The following PPARGC1A variants were observed in gnomAD, a reference collection of about 807,000 sequenced individuals.
The protein encoded by PPARGC1A is PPARG coactivator 1 alpha, also known as peroxisome proliferator-activated receptor gamma coactivator 1-alpha.
A neutral mutation model predicts 88.7 loss-of-function variants in PPARGC1A; 25 were observed. The observed-to-expected ratio is 0.28, with a 90% CI of 0.21 to 0.39. PPARGC1A has a LOEUF of 0.39. Among genes scored for constraint, PPARGC1A ranks in the 10% least tolerant of loss-of-function variants. The pLI is 1.00. For synonymous variants in PPARGC1A, 363 were observed against 355.6 expected, an observed-to-expected ratio of 1.02 and a Z score of -0.24; for missense variants, 880 against 968.7, an observed-to-expected ratio of 0.91 and a Z score of 1.22.
chr4:24,295,709 A>G, the PPARGC1A span, among the ~76,000 whole-genome samples: 1 of 149,862 alleles, frequency 6.7e-6, no homozygotes, highest in Non-Finnish European at 1.5e-5. Context: ...TACATTATAT[A>G]CACATATACG....
the PPARGC1A span, among the ~76,000 whole-genome samples, chr4:23,913,859 A>G: frequency 6.6e-6 from 1 of 152,186 alleles, no homozygotes; most frequent in East Asian, 1.9e-4. Flanking sequence ...ATCTGCATCC[A>G]TCCATTCACC....
At position 23,814,300 on chromosome 4, in the gene PPARGC1A, C is replaced by G. The variant is rs780198205; in HGVS notation, c.1183G>C (p.Glu395Gln). The G allele has an allele frequency of 6.2e-7, 1 of 1,613,914 alleles. No homozygotes were observed. Among genetic ancestry groups the G allele is most frequent in the South Asian group, 1.1e-5 (1 of 91,048 alleles). The change falls in exon 8 of 13, where the codon GAA becomes CAA. Residue 395 changes from glutamate to glutamine, a missense_variant. By Grantham distance (29) the Glu-to-Gln change is conservative. Transcript: ENST00000264867. ...TCCTGTGATATATTAATGAGTATTT[C>G]TGTTTTGGAATTAATTGACTGGCAA... The part of the protein sequence containing the change: ...DYCQSINSKT[E>Q]ILINISQELQ...
the PPARGC1A span, among the ~76,000 whole-genome samples, chr4:24,060,171 A>G: frequency 6.6e-6 from 1 of 152,234 alleles, no homozygotes; most frequent in Non-Finnish European, 1.5e-5. Flanking sequence ...ACTGAAGCCC[A>G]GAAAGTTAAA....
At chr4:24,403,012 CT>C in the PPARGC1A span, among the ~76,000 whole-genome samples, 57 of 152,310 alleles carry the variant, frequency 3.7e-4, no homozygotes, top group African/African-American at 1.3e-3. Flanking sequence ...ATCCTTACAA[CT>C]GCTGTAAAGT....
chr4:24,019,856 A>G, the PPARGC1A span, among the ~76,000 whole-genome samples: 1 of 152,320 alleles, frequency 6.6e-6, no homozygotes, highest in South Asian at 2.1e-4. Flanking sequence ...GGAATACCAC[A>G]AAAGAACTAC....
At chr4:24,299,726 G>A in the PPARGC1A span, among the ~76,000 whole-genome samples, 5 of 151,976 alleles carry the variant, frequency 3.3e-5, no homozygotes, top group East Asian at 7.7e-4. Flanking sequence ...ACACATAAAC[G>A]ACTACAGTCT....
At chr4:24,349,826 C>T in the PPARGC1A span, among the ~76,000 whole-genome samples, 1 of 152,234 alleles carries the variant, frequency 6.6e-6, no homozygotes. Context: ...GGAGGTTTCT[C>T]ACCCCGTTCA....
chr4:24,374,437 G>A, the PPARGC1A span, among the ~76,000 whole-genome samples: 3 of 152,046 alleles, frequency 2.0e-5, no homozygotes, highest in East Asian at 5.8e-4. Context: ...GAGGATCAGG[G>A]AAAGCAACTA....
chr4:23,806,621 C>T (rs551551467), intron 10 of PPARGC1A, among the ~76,000 whole-genome samples: 4 of 152,092 alleles, frequency 2.6e-5, no homozygotes, highest in African/African-American at 2.4e-5. Flanking sequence ...AAAGCTAGTA[C>T]GCTGATGGGG....
chr4:23,931,930 C>T, the PPARGC1A span, among the ~76,000 whole-genome samples: 1 of 152,122 alleles, frequency 6.6e-6, no homozygotes, highest in African/African-American at 2.4e-5. Flanking sequence ...CTCAGTTTCT[C>T]ATGTACAAAA....
chr4:23,824,177 T>G (rs1258229056), intron 7 of PPARGC1A, 103 bp downstream of exon 7: 1 of 925,872 alleles, frequency 1.1e-6, no homozygotes, highest in Non-Finnish European at 1.7e-6. Context: ...GTATTCTTTG[T>G]TAATTTCATT....
chr4:23,951,448 G>A, the PPARGC1A span, among the ~76,000 whole-genome samples: 1 of 152,106 alleles, frequency 6.6e-6, no homozygotes, highest in South Asian at 2.1e-4. Context: ...GAGATATAAT[G>A]CCATGCATTA....
chr4:24,173,061 T>TA, the PPARGC1A span, among the ~76,000 whole-genome samples: 1 of 152,144 alleles, frequency 6.6e-6, no homozygotes, highest in Non-Finnish European at 1.5e-5. Context: ...TATATGGAAG[T>TA]AAATGTGAAC....
At chr4:24,138,122 G>A in the PPARGC1A span, among the ~76,000 whole-genome samples, 1 of 152,200 alleles carries the variant, frequency 6.6e-6, no homozygotes, top group Non-Finnish European at 1.5e-5. Flanking sequence ...GTGCTCACCA[G>A]ATTAAACCAG....
At chr4:23,829,436 C>A (rs758937680) in intron 4 of PPARGC1A, 27 bp downstream of exon 4, 2 of 1,608,896 alleles carry the variant, frequency 1.2e-6, no homozygotes, top group Non-Finnish European at 1.7e-6. Context: ...GTACATCCCC[C>A]CTGTATTAAA....
chr4:24,347,798 C>A, the PPARGC1A span, among the ~76,000 whole-genome samples: 1 of 152,078 alleles, frequency 6.6e-6, no homozygotes, highest in African/African-American at 2.4e-5. Flanking sequence ...TTTCATCCTG[C>A]TCTTTGTTGC....
the PPARGC1A span, among the ~76,000 whole-genome samples, chr4:24,001,246 T>C: frequency 4.6e-5 from 7 of 152,248 alleles, no homozygotes; most frequent in Admixed American, 3.9e-4. Context: ...ATTTTCTTTG[T>C]TATAATATGC....
intron 9 of PPARGC1A, 67 bp downstream of exon 9, chr4:23,812,954 T>C: frequency 6.2e-7 from 1 of 1,612,318 alleles, no homozygotes; most frequent in Non-Finnish European, 8.5e-7. Context: ...TATAGGGTTT[T>C]GGAGAACATC....
At chr4:24,045,903 C>T in the PPARGC1A span, among the ~76,000 whole-genome samples, 11 of 152,184 alleles carry the variant, frequency 7.2e-5, no homozygotes, top group Admixed American at 2.0e-4. Context: ...ACCAAAAGAC[C>T]CCAAATACTT....
Sources: allele counts gnomAD v4.1 joint callset (sites outside exome capture counted in the v4.1 genomes callset), GRCh38; gene constraint gnomAD v4.1.1; transcripts MANE v1.5; gene names NCBI Gene and HGNC (gene_info 2026-07-23, HGNC 2026-07-21).